Variants in ASTN2 observed in about 807,000 individuals in gnomAD.
The protein encoded by ASTN2 is astrotactin 2, also known as astrotactin-2.
ASTN2 carries 54 observed loss-of-function variants against 139.8 expected under a neutral mutation model. The ratio of observed to expected loss-of-function variants is 0.39; its 90% CI spans 0.31 to 0.48. The LOEUF is 0.48. ASTN2 is among the 20% of genes least tolerant of loss of function. The pLI, the probability that ASTN2 is intolerant of heterozygous loss-of-function variation, is 0.95. For missense variants in ASTN2, 1,565 were observed against 1,725.1 expected (o/e 0.91, Z 1.64); for synonymous variants, 756 against 719.5 (o/e 1.05, Z -0.81).
intron 19 of ASTN2, among the ~76,000 whole-genome samples, chr9:116,536,850 C>G (rs568330435): frequency 6.6e-6 from 1 of 152,324 alleles, no homozygotes; most frequent in African/African-American, 2.4e-5. Context: ...ATCTCAAACT[C>G]CATGCTGGGA....
At chr9:117,332,232 G>C (rs1341301492) in intron 1 of ASTN2, among the ~76,000 whole-genome samples, 1 of 152,150 alleles carries the variant, frequency 6.6e-6, no homozygotes, top group East Asian at 1.9e-4. Flanking sequence ...TTAGCTAAAT[G>C]TGTTGCCACC....
rs80022927 is a variant in ASTN2 at position 117,142,896 on chromosome 9, T to C, written c.1016-1418A>G. 5.1e-4 allele frequency among the ~76,000 whole-genome samples: 78 copies of C among 152,280 alleles called. No homozygotes were observed. In the East Asian group the frequency reaches 0.015, roughly 29 times the overall value. On this transcript the variant is annotated intron_variant, in intron 3 of 22. Coordinates refer to ENST00000313400, the MANE Select transcript of ASTN2 (RefSeq NM_001365068.1). Reference sequence around the variant, plus strand: ...CTCCAGAGGCTGGGAAATTTCTTCTTCAGTTTGAGCTACCTGCTGTCTGAT... The same window carrying C: ...CTCCAGAGGCTGGGAAATTTCTTCTCCAGTTTGAGCTACCTGCTGTCTGAT...
At chr9:117,098,557 C>T (rs1054719459) in intron 4 of ASTN2, among the ~76,000 whole-genome samples, 1 of 152,042 alleles carries the variant, frequency 6.6e-6, no homozygotes, top group Non-Finnish European at 1.5e-5. Flanking sequence ...TGTCCCGGAG[C>T]CTTAGTGCAC....
At chr9:116,894,871 C>T (rs893085471) in intron 10 of ASTN2, among the ~76,000 whole-genome samples, 1 of 152,228 alleles carries the variant, frequency 6.6e-6, no homozygotes, top group Non-Finnish European at 1.5e-5. Flanking sequence ...CCTCTGCAAA[C>T]AGTATGAATT....
At chr9:117,182,909 G>A (rs964031982) in intron 3 of ASTN2, among the ~76,000 whole-genome samples, 5 of 151,888 alleles carry the variant, frequency 3.3e-5, no homozygotes, top group African/African-American at 9.7e-5. Context: ...GAAACATCAC[G>A]TTGGGCCCCA....
chr9:116,880,629 G>A (rs1246941099), intron 10 of ASTN2, among the ~76,000 whole-genome samples: 1 of 152,180 alleles, frequency 6.6e-6, no homozygotes, highest in African/African-American at 2.4e-5. Context: ...AGGGTGGCTG[G>A]AGAATGGGGT....
intron 12 of ASTN2, among the ~76,000 whole-genome samples, chr9:116,813,452 T>G (rs1831221345): frequency 6.6e-6 from 1 of 152,204 alleles, no homozygotes; most frequent in South Asian, 2.1e-4. Flanking sequence ...CACATGAGCA[T>G]TTTGGAAAAG....
chr9:116,968,292 A>C (rs1365588673), intron 10 of ASTN2, among the ~76,000 whole-genome samples: 1 of 152,136 alleles, frequency 6.6e-6, no homozygotes, highest in African/African-American at 2.4e-5. Flanking sequence ...TGAGGATTGC[A>C]CCTGAAGATG....
At chr9:116,464,530 A>G (rs1477057850) in intron 20 of ASTN2, among the ~76,000 whole-genome samples, 1 of 152,186 alleles carries the variant, frequency 6.6e-6, no homozygotes, top group Non-Finnish European at 1.5e-5. Context: ...GGTTATAATT[A>G]TCTTCCTTGA....
At chr9:117,340,424 C>A (rs947059988) in intron 1 of ASTN2, among the ~76,000 whole-genome samples, 1 of 150,926 alleles carries the variant, frequency 6.6e-6, no homozygotes, top group Non-Finnish European at 1.5e-5. Flanking sequence ...GGCAGGAACA[C>A]CGGTTATAGA....
At chr9:116,709,372 G>T (rs571150969) in intron 16 of ASTN2, among the ~76,000 whole-genome samples, 1 of 152,268 alleles carries the variant, frequency 6.6e-6, no homozygotes, top group African/African-American at 2.4e-5. Flanking sequence ...TTTATAGATG[G>T]TATCACTACC....
chr9:116,486,698 C>A (rs148527914), intron 20 of ASTN2, among the ~76,000 whole-genome samples: 2 of 152,208 alleles, frequency 1.3e-5, no homozygotes, highest in African/African-American at 4.8e-5. Flanking sequence ...GCATCTAGAT[C>A]TAAAAACAAC....
intron 5 of ASTN2, among the ~76,000 whole-genome samples, chr9:117,089,835 A>G (rs1310952827): frequency 6.6e-6 from 1 of 152,222 alleles, no homozygotes; most frequent in Non-Finnish European, 1.5e-5. Flanking sequence ...AATCTCATCC[A>G]GGTTGTGGCA....
chr9:116,856,900 G>A (rs10983381), intron 11 of ASTN2, among the ~76,000 whole-genome samples: 11,881 of 152,194 alleles, frequency 0.078, 561 homozygotes, highest in East Asian at 0.23. Context: ...GGCTCCTCCT[G>A]AAAGACACCA....
intron 4 of ASTN2, among the ~76,000 whole-genome samples, chr9:117,097,237 G>A (rs1369264020): frequency 6.6e-6 from 1 of 152,116 alleles, no homozygotes; most frequent in Non-Finnish European, 1.5e-5. Context: ...AGTGTGGAGG[G>A]AAAAGGGTAA....
At chr9:116,934,213 C>A (rs1327638618) in intron 10 of ASTN2, among the ~76,000 whole-genome samples, 1 of 151,974 alleles carries the variant, frequency 6.6e-6, no homozygotes, top group African/African-American at 2.4e-5. Flanking sequence ...TGCCTCGATG[C>A]CTTGGATCAA....
intron 11 of ASTN2, among the ~76,000 whole-genome samples, chr9:116,839,844 T>TTTAA (rs770383479): frequency 3.7e-5 from 5 of 135,622 alleles, no homozygotes; most frequent in African/African-American, 1.1e-4. Context: ...CTGATTTTTT[T>TTTAA]ATTTTATTTT....
At chr9:117,361,180 G>A (rs977493025) in intron 1 of ASTN2, among the ~76,000 whole-genome samples, 6 of 152,154 alleles carry the variant, frequency 3.9e-5, no homozygotes, top group South Asian at 2.1e-4. Flanking sequence ...AAAAACAGCC[G>A]AGCATTTGTG....
intron 16 of ASTN2, among the ~76,000 whole-genome samples, chr9:116,680,909 C>T (rs538125488): frequency 6.6e-6 from 1 of 152,302 alleles, no homozygotes; most frequent in Non-Finnish European, 1.5e-5. Flanking sequence ...AAACCCACAG[C>T]CAATATCATA....
Sources: gnomAD v4.1 joint callset for allele counts (sites outside exome capture counted in the v4.1 genomes callset) on GRCh38, gnomAD v4.1.1 for gene constraint, MANE v1.5 for transcripts, NCBI Gene and HGNC (gene_info 2026-07-23, HGNC 2026-07-21) for gene names.